The following PEAK1 variants were observed in gnomAD, a reference collection of about 807,000 sequenced individuals.
PEAK1 encodes the protein pseudopodium enriched atypical kinase 1.
In PEAK1, 54 loss-of-function variants were observed where a neutral mutation model predicts 124.7. That is an observed-to-expected ratio of 0.43 (90% CI 0.35 to 0.54). PEAK1 has a LOEUF of 0.54. Ranked by LOEUF, PEAK1 falls within the 20% of genes least tolerant of loss-of-function variation. The probability of loss-of-function intolerance (pLI) is 0.01; values close to 1 mark genes in which losing one functional copy is unlikely to be tolerated. For synonymous variants in PEAK1, 719 were observed against 760.0 expected, an observed-to-expected ratio of 0.95 and a Z score of 0.89; for missense variants, 2,046 against 2,134.5, an observed-to-expected ratio of 0.96 and a Z score of 0.82.
In PEAK1 at chr15:77,306,381, G is replaced by A. The variant is rs542045251; in HGVS notation, c.-602-19877C>T. ...CTTTCACTTTTATAACACTTGCATTGTTTTTCAGAAATTATTTGGTTTACC... is the reference window on the plus strand; with the variant it reads ...CTTTCACTTTTATAACACTTGCATTATTTTTCAGAAATTATTTGGTTTACC... On this transcript the variant is annotated intron_variant, in intron 2 of 9. Coordinates refer to ENST00000682557, the MANE Select transcript of PEAK1 (RefSeq NM_001385026.1). Among the ~76,000 whole-genome samples the A allele has an allele frequency of 3.9e-5, 6 of 152,186 alleles. No individual in the cohort carries two copies. The South Asian group carries it at 1.2e-3, about 32-fold the overall frequency.
In PEAK1 at chr15:77,380,384, G is replaced by A. The variant is rs77319826; in HGVS notation, c.-665-15159C>T. Among the ~76,000 whole-genome samples the A allele has an allele frequency of 4.3e-3, 655 of 152,278 alleles. 1 individual carries two copies. Among genetic ancestry groups the A allele is most frequent in the African/African-American group, 0.013 (560 of 41,564 alleles). ...GTACTGATCAGTGCAGTTTTGGAAG[G>A]CTGGACATAACTGATCTTTAAAGGC... On this transcript the variant is annotated intron_variant, in intron 1 of 9. Coordinates refer to ENST00000682557, the MANE Select transcript of PEAK1 (RefSeq NM_001385026.1).
chr15:77,286,636 T>C (rs2062944577), intron 2 of PEAK1, 132 bp from the exon 3 acceptor site: 1 of 447,636 alleles, frequency 2.2e-6, no homozygotes, highest in Non-Finnish European at 3.7e-6. Flanking sequence ...GAACTTATTT[T>C]TAAGCTATAA....
At chr15:77,403,036 G>T in intron 1 of PEAK1, 1 of 985,016 alleles carries the variant, frequency 1.0e-6, no homozygotes, top group Non-Finnish European at 1.2e-6. Context: ...ATGATGAAAT[G>T]TTGCATCCCA....
chr15:77,417,445 G>C, intron 1 of PEAK1: 1 of 936,776 alleles, frequency 1.1e-6, no homozygotes, highest in Non-Finnish European at 1.3e-6. Flanking sequence ...AGAGTGGGGT[G>C]GGGGGATGCG....
chr15:77,395,342 G>A (rs970419323), intron 1 of PEAK1, among the ~76,000 whole-genome samples: 2 of 152,148 alleles, frequency 1.3e-5, no homozygotes, highest in Non-Finnish European at 2.9e-5. Flanking sequence ...AAGAGTTATT[G>A]CGCTTAAAGA....
At chr15:77,105,064 G>A (rs1182309487), downstream of PEAK1, 1 of 152,098 alleles carries the variant, frequency 6.6e-6, no homozygotes. Flanking sequence ...CCCAACCCTG[G>A]GCAAAGATGA....
intron 2 of PEAK1, among the ~76,000 whole-genome samples, chr15:77,364,036 T>G (rs1467964756): frequency 1.3e-5 from 2 of 151,882 alleles, no homozygotes; most frequent in Non-Finnish European, 2.9e-5. Context: ...CTGTCTCTAT[T>G]AAAAATACAA....
At position 77,286,420 on chromosome 15, in the gene PEAK1, A is replaced by C; in HGVS notation, c.-521+3T>G. 8.3e-7 allele frequency: 1 copy of C among 1,211,618 alleles called. No homozygotes were observed. Among genetic ancestry groups the C allele is most frequent in the East Asian group, 3.2e-5 (1 of 31,488 alleles). The allele number at this position is 1,211,618 out of a possible 1,614,324, so 75.1% of individuals were successfully genotyped here. A position where few individuals can be genotyped will look rare whatever the true frequency, so the allele number is the denominator to read the frequency against. ...TTACATTATGGAAAGAAAAAGTACAAACCTGGTTTAATTGGCTCCAACTCT... is the reference window on the plus strand; with the variant it reads ...TTACATTATGGAAAGAAAAAGTACACACCTGGTTTAATTGGCTCCAACTCT... On this transcript the variant is annotated splice_donor_region_variant and intron_variant, in intron 3 of 9. Transcript: ENST00000682557.
intron 5 of PEAK1, among the ~76,000 whole-genome samples, chr15:77,265,258 A>G (rs1296080974): frequency 6.6e-6 from 1 of 152,206 alleles, no homozygotes; most frequent in African/African-American, 2.4e-5. Context: ...GACAAATGGG[A>G]TCTAATTAAA....
At chr15:77,406,296 A>G (rs2071814361) in intron 1 of PEAK1, among the ~76,000 whole-genome samples, 1 of 152,194 alleles carries the variant, frequency 6.6e-6, no homozygotes, top group Non-Finnish European at 1.5e-5. Flanking sequence ...CAGATAAGAG[A>G]AAGAAATAAA....
intron 5 of PEAK1, chr15:77,255,521 T>C (rs1028462958): frequency 6.2e-6 from 2 of 323,042 alleles, no homozygotes; most frequent in African/African-American, 4.5e-5. Context: ...ACAAGAAAAA[T>C]ATTCCCAAAA....
At chr15:77,300,652 T>A (rs2063739468) in intron 2 of PEAK1, among the ~76,000 whole-genome samples, 1 of 152,144 alleles carries the variant, frequency 6.6e-6, no homozygotes, top group Admixed American at 6.5e-5. Flanking sequence ...TATTCAGGTA[T>A]CTTCAGTTTT....
intron 5 of PEAK1, among the ~76,000 whole-genome samples, chr15:77,269,237 G>C (rs1164096187): frequency 6.6e-6 from 1 of 152,092 alleles, no homozygotes; most frequent in Non-Finnish European, 1.5e-5. Context: ...GAATGGATAA[G>C]AATTCAGTAA....
At chr15:77,418,524 T>C (rs2073075257) in intron 1 of PEAK1, 4 of 985,120 alleles carry the variant, frequency 4.1e-6, no homozygotes, top group Non-Finnish European at 4.8e-6. Context: ...TGTTCATCTC[T>C]GGGCTGAGGC....
intron 5 of PEAK1, among the ~76,000 whole-genome samples, chr15:77,259,544 A>G (rs2061333181): frequency 6.6e-6 from 1 of 152,200 alleles, no homozygotes; most frequent in Non-Finnish European, 1.5e-5. Flanking sequence ...GTGTTAGGAA[A>G]CAATTTCTTG....
intron 2 of PEAK1, among the ~76,000 whole-genome samples, chr15:77,322,121 T>G (rs146792836): frequency 0.032 from 4,875 of 152,038 alleles, 117 homozygotes; most frequent in Non-Finnish European, 0.048. Flanking sequence ...CTGGGACACA[T>G]TCAAAGCAGT....
At chr15:77,161,002 G>T (rs2055587148) in intron 7 of PEAK1, among the ~76,000 whole-genome samples, 1 of 152,182 alleles carries the variant, frequency 6.6e-6, no homozygotes, top group Non-Finnish European at 1.5e-5. Context: ...ATTAACCTAT[G>T]AGGAACTCCC....
At chr15:77,299,467 T>C (rs1567228578) in intron 2 of PEAK1, among the ~76,000 whole-genome samples, 1 of 152,218 alleles carries the variant, frequency 6.6e-6, no homozygotes, top group East Asian at 1.9e-4. Context: ...TTAACAATGA[T>C]ACATTACTAG....
At position 77,320,073 on chromosome 15, in the gene PEAK1, T is replaced by C. The variant is rs547344393; in HGVS notation, c.-602-33569A>G. Among the ~76,000 whole-genome samples the C allele has an allele frequency of 2.0e-5, 3 of 152,308 alleles. No individual in the cohort carries two copies. The South Asian group carries it at 6.2e-4, about 32-fold the overall frequency. On this transcript the variant is annotated intron_variant, in intron 2 of 9. Coordinates refer to ENST00000682557, the MANE Select transcript of PEAK1 (RefSeq NM_001385026.1). ...TCACTGAAATTGCTAATATATGATG[T>C]AGAAGTAAAGAGCTTCTGAAAGATT...
Sources: allele counts gnomAD v4.1 joint callset (sites outside exome capture counted in the v4.1 genomes callset), GRCh38; gene constraint gnomAD v4.1.1; transcripts MANE v1.5; gene names NCBI Gene and HGNC (gene_info 2026-07-23, HGNC 2026-07-21).